MXRA5: variants seen among roughly 807,000 people sequenced by gnomAD.
MXRA5 encodes the protein matrix-remodeling-associated protein 5.
MXRA5 carries 41 observed loss-of-function variants against 112.5 expected under a neutral mutation model. The observed-to-expected ratio is 0.36, with a 90% CI of 0.28 to 0.47. MXRA5 has a LOEUF of 0.47. Among genes scored for constraint, MXRA5 ranks in the 20% least tolerant of loss-of-function variants. The probability of loss-of-function intolerance (pLI) is 0.99; values close to 1 mark genes in which losing one functional copy is unlikely to be tolerated. For missense variants in MXRA5, 2,150 were observed against 2,251.0 expected (o/e 0.96, Z 0.91); for synonymous variants, 862 against 900.8 (o/e 0.96, Z 0.77).
Position 3,322,566 on chromosome X carries a change from T to G in MXRA5, c.3119A>C (p.Asn1040Thr), listed in dbSNP as rs201151292. Reference sequence around the variant, plus strand: ...TAGACTACTTTTCACAAGGTGGATGTTGTCTGTCAGTCCTTGTAGATGTGA... The same window carrying G: ...TAGACTACTTTTCACAAGGTGGATGGTGTCTGTCAGTCCTTGTAGATGTGA... ...GQSHLQGLTD[N>T]IHLVKSSLST... The change falls in exon 5 of 7, where the codon AAC (asparagine) becomes ACC (threonine). Residue 1040 changes from asparagine to threonine, a missense_variant. This residue lies in a region of MXRA5 where 1,485 missense variants were observed against 1,471.6 expected (regional missense o/e 1.01). Coordinates refer to ENST00000217939, the MANE Select transcript of MXRA5 (RefSeq NM_015419.4). The G allele has an allele frequency of 1.7e-6, 2 of 1,210,081 alleles. No individual in the cohort carries two copies. Among genetic ancestry groups the G allele is most frequent in the African/African-American group, 3.5e-5 (2 of 57,217 alleles).
chrX:3,327,742 C>T (rs180998078), intron 4 of MXRA5, among the ~76,000 whole-genome samples: 91 of 113,050 alleles, frequency 8.0e-4, no homozygotes, highest in Non-Finnish European at 1.3e-3. Flanking sequence ...TGTGTATAAG[C>T]TGTGGGCTGA....
At chrX:3,336,088 G>A (rs757999481) in intron 2 of MXRA5, among the ~76,000 whole-genome samples, 4 of 111,760 alleles carry the variant, frequency 3.6e-5, no homozygotes, top group East Asian at 2.8e-4. Context: ...TCAGATGAGT[G>A]ACGGCATTAG....
chrX:3,322,158 G>A lies in MXRA5; in HGVS notation c.3527C>T (p.Pro1176Leu). Residue 1176 changes from proline (P) to leucine (L), a missense_variant, in exon 5 of 7, where the codon CCA (proline) becomes CTA (leucine). Transcript: ENST00000217939. ...HKQTPPTTFA[P>L]SETFSTQPTQ... ...TGGTTGAGTAGAAAAAGTCTCTGAT[G>A]GGGCAAAAGTTGTGGGTGGGGTTTG... The A allele has an allele frequency of 2.5e-6, 3 of 1,197,064 alleles. No individual in the cohort carries two copies. Among genetic ancestry groups the A allele is most frequent in the Non-Finnish European group, 3.4e-6 (3 of 887,752 alleles).
At chrX:3,326,954 G>A (rs1921527316) in intron 4 of MXRA5, among the ~76,000 whole-genome samples, 1 of 111,663 alleles carries the variant, frequency 9.0e-6, no homozygotes, top group South Asian at 3.8e-4. Flanking sequence ...TATTTAGATA[G>A]CAAGAAGAGT....
At chrX:3,336,486 T>C (rs931401956) in intron 2 of MXRA5, among the ~76,000 whole-genome samples, 1 of 111,430 alleles carries the variant, frequency 9.0e-6, no homozygotes, top group Non-Finnish European at 1.9e-5. Context: ...ATGTTCAGAA[T>C]AGTCAAATTC....
rs763755853 is a variant in MXRA5, at chrX:3,313,345, C to T, written c.6579-1721G>A. ...CCTGATCTCCGCTCACTGCAACCTCCGCCTCCCAGGTTCAAATGATTCTCC... is the reference window on the plus strand; with the variant it reads ...CCTGATCTCCGCTCACTGCAACCTCTGCCTCCCAGGTTCAAATGATTCTCC... On this transcript the variant is annotated intron_variant, in intron 6 of 6. Coordinates refer to ENST00000217939, the MANE Select transcript of MXRA5 (RefSeq NM_015419.4). Among the ~76,000 whole-genome samples the T allele has an allele frequency of 2.7e-5, 3 of 112,605 alleles. No individual in the cohort carries two copies. The South Asian group carries it at 1.1e-3, about 42-fold the overall frequency.
In MXRA5 at chrX:3,324,210, A is replaced by T. The variant is rs1230865747; in HGVS notation, c.1475T>A (p.Leu492Gln). Residue 492 changes from leucine (L) to glutamine (Q), a missense_variant, in exon 5 of 7, where the codon CTG becomes CAG. Physicochemically the swap from Leu to Gln is moderately radical, Grantham distance 113 (BLOSUM62 -2). This residue lies in a region of MXRA5 where 386 missense variants were observed against 411.0 expected (regional missense o/e 0.94). Coordinates refer to ENST00000217939, the MANE Select transcript of MXRA5 (RefSeq NM_015419.4). ...GCTCAACTGGCATGGACCCCCTTCC[A>T]GGACAGTCTGATCTCTTTGCACAGC... The part of the protein sequence containing the change: ...SGAVQRDQTV[L>Q]EGGPCQLSCN... 1 of 1,211,754 alleles carries T rather than the reference A, an allele frequency of 8.3e-7. No homozygotes were observed. Among genetic ancestry groups the T allele is most frequent in the Admixed American group, 2.2e-5 (1 of 46,027 alleles).
chrX:3,323,451 T>G lies in MXRA5; in HGVS notation c.2234A>C (p.Lys745Thr). Residue 745 changes from lysine (K) to threonine (T), a missense_variant, in exon 5 of 7, where the codon AAA (lysine) becomes ACA (threonine). Transcript: ENST00000217939. Reference protein sequence around the residue: ...KKAKKGRRKLKLWKHSEKEPE... With the variant: ...KKAKKGRRKLTLWKHSEKEPE... ...TTCTTTTTCCGAATGCTTCCAGAGTTTCAGCTTTCTTCTCCCTTTCTTGGC... is the reference window on the plus strand; with the variant it reads ...TTCTTTTTCCGAATGCTTCCAGAGTGTCAGCTTTCTTCTCCCTTTCTTGGC... The G allele has an allele frequency of 8.3e-7, 1 of 1,211,895 alleles. No homozygotes were observed. The highest frequency in any genetic ancestry group is 1.8e-5 in the South Asian group (1 of 56,981).
At position 3,317,922 on chromosome X, in the gene MXRA5, A is replaced by G; in HGVS notation, c.5759T>C (p.Val1920Ala). 1 of 1,211,200 alleles carries G rather than the reference A, an allele frequency of 8.3e-7. No homozygotes were observed. Among genetic ancestry groups the G allele is most frequent in the Non-Finnish European group, 1.1e-6 (1 of 895,236 alleles). The change falls in exon 6 of 7, where the codon GTA becomes GCA. Residue 1920 changes from valine (V) to alanine (A), a missense_variant. Around this residue, in one of 6 missense-constraint regions of MXRA5, gnomAD observed 1,485 missense variants for 1,471.6 expected, o/e 1.01. Transcript: ENST00000217939. ...NGTLVIRKVQ[V>A]QDRGQYMCTA... is the part of the protein sequence containing the mutation. ...GCACATATACTGGCCTCGATCTTGT[A>G]CTTGAACCTTCCGTATCACTAAGGT...
Position 3,311,296 on chromosome X carries a change from C to T in MXRA5, c.6907G>A (p.Val2303Ile), listed in dbSNP as rs201973408. 870 of 1,210,277 alleles carry T rather than the reference C, an allele frequency of 7.2e-4. 1 individual carries two copies. The highest frequency in any genetic ancestry group is 7.3e-4 in the Non-Finnish European group (655 of 895,284). The part of the protein sequence containing the change: ...DSGGRTKRYV[V>I]FNNGTLYFNE... ...AAGTAGAGTGTCCCATTGTTGAAGA[C>T]GACATAGCGCTTGGTGCGTCCACCG... The change falls in exon 7 of 7, where the codon GTC becomes ATC. Residue 2303 changes from valine to isoleucine, a missense_variant. This residue lies in a region of MXRA5 where 1,485 missense variants were observed against 1,471.6 expected (regional missense o/e 1.01). Coordinates refer to ENST00000217939, the MANE Select transcript of MXRA5 (RefSeq NM_015419.4).
intron 6 of MXRA5, among the ~76,000 whole-genome samples, chrX:3,316,315 A>AAAATAAATAAAT (rs751358454): frequency 2.1e-4 from 18 of 84,960 alleles, no homozygotes; most frequent in Middle Eastern, 5.8e-3. Flanking sequence ...TTCCGTCTCA[A>AAAATAAATAAAT]AAATAAATAA....
At chrX:3,331,820 A>G (rs1251528370) in intron 2 of MXRA5, among the ~76,000 whole-genome samples, 1 of 112,281 alleles carries the variant, frequency 8.9e-6, no homozygotes, top group Admixed American at 9.4e-5. Context: ...GCATACAACA[A>G]TGCTTAAACT....
rs1432406419 is a variant in MXRA5, at chrX:3,317,221, G to T, written c.6460C>A (p.Arg2154=). ...CCTCCGTACCTGACGTCCGTCCTCC[G>T]CGGGGAGGTGCCCGTGATGCGCGCG... ...ANARITGTSP[R]RTDVRYGGTL... The change falls in exon 6 of 7, where the codon CGG becomes AGG. Residue 2154 remains arginine (R), a synonymous_variant. Transcript: ENST00000217939. 4 of 1,209,958 alleles carry T rather than the reference G, an allele frequency of 3.3e-6. No homozygotes were observed. Among genetic ancestry groups the T allele is most frequent in the Middle Eastern group, 2.3e-4 (1 of 4,349 alleles).
intron 2 of MXRA5, among the ~76,000 whole-genome samples, chrX:3,336,877 A>G (rs1182760004): frequency 8.9e-6 from 1 of 111,746 alleles, no homozygotes; most frequent in East Asian, 2.8e-4. Context: ...TACAGATTCT[A>G]CATGCATGGA....
chrX:3,341,165 T>TATTATTA (rs1267537382), intron 2 of MXRA5, among the ~76,000 whole-genome samples: 1 of 8,458 alleles, frequency 1.2e-4, no homozygotes, highest in African/African-American at 2.0e-4. Context: ...ATATTATATA[T>TATTATTA]TATATACATA....
Position 3,310,873 on chromosome X carries a change from C to T in MXRA5, c.7330G>A (p.Gly2444Ser), listed in dbSNP as rs1920981114. The change falls in exon 7 of 7, where the codon GGT (glycine) becomes AGT (serine). Residue 2444 changes from glycine to serine, a missense_variant. This residue lies in a region of MXRA5 where 93 missense variants were observed against 135.5 expected (regional missense o/e 0.69). Transcript: ENST00000217939. The part of the protein sequence containing the change: ...HVNVQPPKIN[G>S]NPNPITTVRE... ...ACAGTGGTGATGGGGTTGGGGTTAC[C>T]GTTGATCTTGGGTGGCTGGACGTTG... 5.8e-6 allele frequency: 7 copies of T among 1,211,094 alleles called. No individual in the cohort carries two copies. The East Asian group carries it at 2.1e-4, about 36-fold the overall frequency.
Position 3,311,007 on chromosome X carries a change from T to C in MXRA5, c.7196A>G (p.Gln2399Arg). The stretch of plus-strand genomic sequence containing the variant: ...TTTCTGAATAAGGAGAGTGCCATCT[T>C]GGTATATCTGATACTTCTCAGAGGA... ...PTSSEKYQIY[Q>R]DGTLLIQKAQ... The change falls in exon 7 of 7, where the codon CAA (glutamine) becomes CGA (arginine). Residue 2399 changes from glutamine (Q) to arginine (R), a missense_variant. Physicochemically the swap from Gln to Arg is conservative, Grantham distance 43. Around this residue, in one of 6 missense-constraint regions of MXRA5, gnomAD observed 1,485 missense variants for 1,471.6 expected, o/e 1.01. Coordinates refer to ENST00000217939, the MANE Select transcript of MXRA5 (RefSeq NM_015419.4). 8.3e-7 allele frequency: 1 copy of C among 1,211,545 alleles called. No individual in the cohort carries two copies. The highest frequency in any genetic ancestry group is 2.2e-5 in the Admixed American group (1 of 45,995).
At position 3,309,318 on chromosome X, in the gene MXRA5, G is replaced by T. The variant is rs1920964349; in HGVS notation, c.*398C>A. ...TGTAAAAACTGCAGCAGGTTAACTA[G>T]GTGATGCGTCTTCAATGGGGTAGTG... is the stretch of plus-strand genomic sequence containing the variant. On this transcript the variant is annotated 3_prime_UTR_variant, in exon 7 of 7. Coordinates refer to ENST00000217939, the MANE Select transcript of MXRA5 (RefSeq NM_015419.4). The T allele has an allele frequency of 7.3e-6, 1 of 136,236 alleles. No individual in the cohort carries two copies. Among genetic ancestry groups the T allele is most frequent in the African/African-American group, 3.1e-5 (1 of 31,783 alleles). The allele number at this position is 136,236 out of a possible 1,213,427, so 11.2% of individuals were successfully genotyped here.
intron 2 of MXRA5, 103 bp from the exon 3 acceptor site, chrX:3,330,876 C>A: frequency 3.8e-6 from 2 of 520,453 alleles, no homozygotes; most frequent in East Asian, 8.3e-5. Flanking sequence ...TGCCCAAGAG[C>A]AAATTAGTAA....
Sources: allele counts gnomAD v4.1 joint callset (sites outside exome capture counted in the v4.1 genomes callset), GRCh38; gene constraint gnomAD v4.1.1; regional missense constraint gnomAD v4.1.1; transcripts MANE v1.5; gene names NCBI Gene and HGNC (gene_info 2026-07-23, HGNC 2026-07-21).